PAK3: variants seen among roughly 807,000 people sequenced by gnomAD.
PAK3 encodes the protein p21 (RAC1) activated kinase 3, also known as serine/threonine-protein kinase PAK 3.
In PAK3, 4 loss-of-function variants were observed where a neutral mutation model predicts 41.0. The observed-to-expected ratio is 0.10, with a 90% CI of 0.05 to 0.22. The LOEUF (loss-of-function observed/expected upper bound fraction) is 0.22, where lower values mean the gene tolerates loss of function less well. Ranked by LOEUF, PAK3 falls within the 10% of genes least tolerant of loss-of-function variation. The pLI is 1.00. For synonymous variants in PAK3, 146 were observed against 139.6 expected (o/e 1.05, Z -0.32); for missense variants, 205 against 409.9 (o/e 0.50, Z 4.32).
intron 1 of PAK3, among the ~76,000 whole-genome samples, chrX:110,956,525 T>C (rs186231953): frequency 4.5e-4 from 50 of 111,669 alleles, no homozygotes; most frequent in Non-Finnish European, 6.2e-4. Context: ...CCTTTTTGCA[T>C]AGGGGAGGCC....
At chrX:111,082,881 G>A (rs1005910969) in intron 1 of PAK3, among the ~76,000 whole-genome samples, 1 of 111,694 alleles carries the variant, frequency 9.0e-6, no homozygotes, top group Admixed American at 9.5e-5. Context: ...AAGGAGCACG[G>A]ATATAGTTCT....
intron 8 of PAK3, among the ~76,000 whole-genome samples, chrX:111,160,559 G>A (rs892808407): frequency 9.2e-6 from 1 of 108,879 alleles, no homozygotes; most frequent in Non-Finnish European, 1.9e-5. Context: ...TTGGTGTGCT[G>A]CACCCATTAA....
intron 1 of PAK3, among the ~76,000 whole-genome samples, chrX:111,043,183 A>G (rs2092467906): frequency 9.1e-6 from 1 of 110,146 alleles, no homozygotes; most frequent in Admixed American, 9.7e-5. Flanking sequence ...AGTCCAAGCC[A>G]TTCAGGCAGC....
At chrX:111,069,743 T>C (rs185132235) in intron 1 of PAK3, among the ~76,000 whole-genome samples, 3 of 110,548 alleles carry the variant, frequency 2.7e-5, no homozygotes, top group East Asian at 5.7e-4. Flanking sequence ...CACACATACA[T>C]CCTGAGAATA....
At chrX:111,056,858 A>T (rs1322928768) in intron 1 of PAK3, among the ~76,000 whole-genome samples, 1 of 111,679 alleles carries the variant, frequency 9.0e-6, no homozygotes, top group African/African-American at 3.3e-5. Context: ...GAGTTTTTCT[A>T]GAGTAGATAC....
At chrX:111,035,187 C>T (rs145050254) in intron 1 of PAK3, among the ~76,000 whole-genome samples, 274 of 98,104 alleles carry the variant, frequency 2.8e-3, no homozygotes, top group Non-Finnish European at 4.7e-3. Context: ...AAAAAAGAAA[C>T]GGTAATATCT....
intron 1 of PAK3, among the ~76,000 whole-genome samples, chrX:110,944,936 A>C (rs193248170): frequency 2.1e-4 from 24 of 111,642 alleles, no homozygotes; most frequent in African/African-American, 7.5e-4. Context: ...TCTCTTGTTC[A>C]GGGAGCTCAG....
intron 1 of PAK3, among the ~76,000 whole-genome samples, chrX:111,011,182 G>A (rs910258848): frequency 1.8e-5 from 2 of 111,447 alleles, no homozygotes; most frequent in Non-Finnish European, 3.8e-5. Context: ...GCTGCAGCAA[G>A]GGGAAGGCAG....
intron 1 of PAK3, among the ~76,000 whole-genome samples, chrX:111,037,138 T>C (rs1259174366): frequency 9.0e-6 from 1 of 111,227 alleles, no homozygotes; most frequent in Non-Finnish European, 1.9e-5. Flanking sequence ...AGGGACAGAG[T>C]TTCACCATGT....
At chrX:111,146,690 C>A in intron 6 of PAK3, 1 of 399,342 alleles carries the variant, frequency 2.5e-6, no homozygotes, top group South Asian at 7.7e-5. Flanking sequence ...TTTTTGTTGT[C>A]ATTCCCAAAC....
chrX:111,170,208 A>T (rs2149230182), intron 10 of PAK3, among the ~76,000 whole-genome samples: 1 of 111,631 alleles, frequency 9.0e-6, no homozygotes, highest in South Asian at 3.8e-4. Flanking sequence ...TGAAAGTAAG[A>T]GTCAATGATG....
At chrX:111,100,607 T>G (rs2093111214) in intron 3 of PAK3, among the ~76,000 whole-genome samples, 1 of 111,363 alleles carries the variant, frequency 9.0e-6, no homozygotes, top group Non-Finnish European at 1.9e-5. Flanking sequence ...TCTCCAGCGT[T>G]GTTTCCTTTG....
chrX:111,088,771 A>G (rs1438422494), intron 1 of PAK3, among the ~76,000 whole-genome samples: 1 of 112,255 alleles, frequency 8.9e-6, no homozygotes, highest in East Asian at 2.8e-4. Flanking sequence ...GTAAGAAAGG[A>G]GTAGTCACTC....
chrX:111,012,998 G>A (rs953033277), intron 1 of PAK3, among the ~76,000 whole-genome samples: 2 of 111,437 alleles, frequency 1.8e-5, no homozygotes, highest in Non-Finnish European at 3.8e-5. Context: ...TTCCCAGGTT[G>A]GGCCGAAGCA....
intron 6 of PAK3, 26 bp downstream of exon 6, chrX:111,142,222 G>A: frequency 1.2e-6 from 1 of 846,366 alleles, no homozygotes; most frequent in Non-Finnish European, 1.8e-6. Context: ...GTTTTGTTTT[G>A]TAAGCCACGA....
chrX:111,164,919 A>G (rs184015127), intron 10 of PAK3, among the ~76,000 whole-genome samples: 1 of 111,635 alleles, frequency 9.0e-6, no homozygotes, highest in Non-Finnish European at 1.9e-5. Context: ...AATTCCCACT[A>G]TAGGCCACAG....
chrX:111,189,687 AT>A (rs1230758675), intron 11 of PAK3, among the ~76,000 whole-genome samples: 3 of 111,158 alleles, frequency 2.7e-5, no homozygotes, highest in Non-Finnish European at 5.7e-5. Context: ...GATGTGGAGC[AT>A]TTTTTTCATA....
intron 5 of PAK3, among the ~76,000 whole-genome samples, chrX:111,126,734 T>A (rs957994058): frequency 8.9e-6 from 1 of 111,871 alleles, no homozygotes; most frequent in Non-Finnish European, 1.9e-5. Context: ...CATAATATCA[T>A]TATATTTGTA....
chrX:111,118,699 A>T (rs985738835), intron 4 of PAK3, among the ~76,000 whole-genome samples: 1 of 111,099 alleles, frequency 9.0e-6, no homozygotes, highest in Non-Finnish European at 1.9e-5. Context: ...AAAGGATGGC[A>T]GTGTTAATTT....
Sources: allele counts gnomAD v4.1 joint callset (sites outside exome capture counted in the v4.1 genomes callset), GRCh38; gene constraint gnomAD v4.1.1; transcripts MANE v1.5; gene names NCBI Gene and HGNC (gene_info 2026-07-23, HGNC 2026-07-21).